Variants in AKAP6 observed in about 807,000 individuals in gnomAD.
The protein encoded by AKAP6 is A-kinase anchoring protein 6, also known as A-kinase anchor protein 6.
In AKAP6, 58 loss-of-function variants were observed where a neutral mutation model predicts 188.5. The observed-to-expected ratio is 0.31, with a 90% confidence interval of 0.25 to 0.38. AKAP6 has a LOEUF of 0.38. Ranked by LOEUF, AKAP6 falls within the 10% of genes least tolerant of loss-of-function variation. AKAP6 has a pLI of 1.00. For missense variants in AKAP6, 2,710 were observed against 2,740.0 expected (o/e 0.99, Z 0.24); for synonymous variants, 989 against 998.6 (o/e 0.99, Z 0.18).
chr14:32,800,663 G>C (rs2033920624), intron 12 of AKAP6, among the ~76,000 whole-genome samples: 1 of 150,126 alleles, frequency 6.7e-6, no homozygotes. Flanking sequence ...ATTAGTGTTA[G>C]CATGCTATCT....
intron 3 of AKAP6, among the ~76,000 whole-genome samples, chr14:32,540,168 C>CTCTCTCTATATATATATATA (rs1240063339): frequency 9.9e-5 from 6 of 60,912 alleles, no homozygotes; most frequent in African/African-American, 5.9e-4. Flanking sequence ...CTCTCTCTCT[C>CTCTCTCTATATATATATATA]TATATATATA....
Position 32,568,097 on chromosome 14 carries a change from C to A in AKAP6, c.2347-9023C>A, listed in dbSNP as rs1174000878. On this transcript the variant is annotated intron_variant, in intron 4 of 13. Coordinates refer to ENST00000280979, the MANE Select transcript of AKAP6 (RefSeq NM_004274.5). This position sits in a 1 kb window ranked among gnomAD's most constrained non-coding sequence, Gnocchi z 6.2. Reference sequence around the variant, plus strand: ...GAGCACAGAGTACAGGAAGAATGATCTAAAATAGGGCTCTGATAGGAATGA... The same window carrying A: ...GAGCACAGAGTACAGGAAGAATGATATAAAATAGGGCTCTGATAGGAATGA... 6.6e-6 allele frequency among the ~76,000 whole-genome samples: 1 copy of A among 152,058 alleles called. No individual in the cohort carries two copies. The highest frequency in any genetic ancestry group is 6.6e-5 in the Admixed American group (1 of 15,252).
At chr14:32,789,398 T>C (rs891882779) in intron 12 of AKAP6, among the ~76,000 whole-genome samples, 3 of 152,182 alleles carry the variant, frequency 2.0e-5, no homozygotes, top group Non-Finnish European at 4.4e-5. Context: ...TTTAAGTAGA[T>C]CCCTGATCCC....
At position 32,821,608 on chromosome 14, in the gene AKAP6, T is replaced by C. The variant is rs201183035; in HGVS notation, c.3795T>C (p.Ala1265=). Reference sequence around the variant, plus strand: ...AGGACCCTGGTTATGACGAGGAGGCTGATAACCATGGGGGATCTCAGTATG... The same window carrying C: ...AGGACCCTGGTTATGACGAGGAGGCCGATAACCATGGGGGATCTCAGTATG... ...SNEDPGYDEE[A]DNHGGSQYAS... is the part of the protein sequence containing the mutation. The change falls in exon 13 of 14, where the codon GCT becomes GCC. Residue 1265 remains alanine (A), a synonymous_variant. Transcript: ENST00000280979. 22 of 1,613,644 alleles carry C rather than the reference T, an allele frequency of 1.4e-5. No homozygotes were observed. In the South Asian group the frequency reaches 1.4e-4, roughly 10 times the overall value.
chr14:32,388,430 T>C (rs1888603014), intron 1 of AKAP6, among the ~76,000 whole-genome samples: 1 of 152,104 alleles, frequency 6.6e-6, no homozygotes, highest in Admixed American at 6.6e-5. Flanking sequence ...CTTGTTTCTC[T>C]AGTTCTTTGA....
At chr14:32,718,639 C>T (rs2030360288) in intron 9 of AKAP6, among the ~76,000 whole-genome samples, 1 of 152,102 alleles carries the variant, frequency 6.6e-6, no homozygotes, top group African/African-American at 2.4e-5. Flanking sequence ...CGTTCATGGC[C>T]ATGATAAACA....
At chr14:32,391,390 C>T (rs1305724597) in intron 1 of AKAP6, among the ~76,000 whole-genome samples, 2 of 152,176 alleles carry the variant, frequency 1.3e-5, no homozygotes, top group African/African-American at 4.8e-5. Flanking sequence ...GCAGTGTCTT[C>T]AACAGCAGTA....
intron 2 of AKAP6, among the ~76,000 whole-genome samples, chr14:32,458,062 T>C (rs1365339890): frequency 6.6e-6 from 1 of 152,192 alleles, no homozygotes; most frequent in Non-Finnish European, 1.5e-5. Context: ...CAAATACATA[T>C]AAGTATATAA....
At chr14:32,700,523 T>C (rs1211173295) in intron 9 of AKAP6, among the ~76,000 whole-genome samples, 1 of 152,246 alleles carries the variant, frequency 6.6e-6, no homozygotes, top group Non-Finnish European at 1.5e-5. Context: ...ACAAGATTTT[T>C]GGCCTTTGAA....
At chr14:32,381,822 T>C (rs1234675695) in intron 1 of AKAP6, among the ~76,000 whole-genome samples, 1 of 152,184 alleles carries the variant, frequency 6.6e-6, no homozygotes, top group Non-Finnish European at 1.5e-5. Context: ...ATGACTTGTG[T>C]ACCCAAGGCT....
At chr14:32,592,488 A>C (rs1468398079) in intron 5 of AKAP6, among the ~76,000 whole-genome samples, 1 of 152,176 alleles carries the variant, frequency 6.6e-6, no homozygotes. Context: ...CAGAAGTGCC[A>C]GCCAGAGTAG....
Position 32,363,588 on chromosome 14 carries a change from A to G in AKAP6, c.-35+34180A>G, listed in dbSNP as rs145639549. Among the ~76,000 whole-genome samples, 141 of 152,330 alleles carry G rather than the reference A, an allele frequency of 9.3e-4. 3 individuals are homozygous for G. In the East Asian group the frequency reaches 0.026, roughly 28 times the overall value. On this transcript the variant is annotated intron_variant, in intron 1 of 13. Transcript: ENST00000280979. The stretch of plus-strand genomic sequence containing the variant: ...AGAACTTGGAGTCCTATGTTCAAGG[A>G]CAGGAAGCATCCAGCATGGGAGAAA...
rs539651499 is a variant in AKAP6, at chr14:32,585,788, G to A, written c.2469+8546G>A. On this transcript the variant is annotated intron_variant, in intron 5 of 13. Coordinates refer to ENST00000280979, the MANE Select transcript of AKAP6 (RefSeq NM_004274.5). ...GAGGTAATTTGATATAGACCTCAAA[G>A]GCCATATGTAATTTTGTTAGGGAAG... Among the ~76,000 whole-genome samples the A allele has an allele frequency of 5.3e-5, 8 of 152,246 alleles. No individual in the cohort carries two copies. In the South Asian group the frequency reaches 1.7e-3, roughly 32 times the overall value.
chr14:32,373,109 G>C (rs933839729), intron 1 of AKAP6, among the ~76,000 whole-genome samples: 1 of 151,326 alleles, frequency 6.6e-6, no homozygotes. Context: ...GGGGGGTGGG[G>C]TATAAGTGTA....
chr14:32,672,966 T>C (rs757434381), intron 7 of AKAP6, among the ~76,000 whole-genome samples: 1 of 152,194 alleles, frequency 6.6e-6, no homozygotes. Flanking sequence ...TGGCACTTCA[T>C]TGTGGCCAAG....
chr14:32,492,355 T>TATATATAGAGAGAG, intron 2 of AKAP6, among the ~76,000 whole-genome samples: 22 of 82,608 alleles, frequency 2.7e-4, no homozygotes, highest in South Asian at 1.4e-3. Context: ...TATATATATA[T>TATATATAGAGAGAG]AGAGAGAGAG....
intron 2 of AKAP6, among the ~76,000 whole-genome samples, chr14:32,499,127 G>A (rs1316885691): frequency 6.6e-6 from 1 of 151,996 alleles, no homozygotes; most frequent in Admixed American, 6.6e-5. Flanking sequence ...AATTGGAGCT[G>A]TTGTTCAGCC....
At chr14:32,705,092 A>G (rs1437119720) in intron 9 of AKAP6, among the ~76,000 whole-genome samples, 2 of 152,142 alleles carry the variant, frequency 1.3e-5, no homozygotes, top group African/African-American at 2.4e-5. Flanking sequence ...ATCTCATAAC[A>G]TTGTCTAACT....
chr14:32,352,461 T>A (rs1342511452), intron 1 of AKAP6, among the ~76,000 whole-genome samples: 2 of 152,138 alleles, frequency 1.3e-5, no homozygotes, highest in Non-Finnish European at 2.9e-5. Context: ...TATACAAGAT[T>A]GTTAACTAGT....
Sources: gnomAD v4.1 joint callset for allele counts (sites outside exome capture counted in the v4.1 genomes callset) on GRCh38, gnomAD v4.1.1 for gene constraint, Gnocchi (gnomAD v3.1) non-coding constraint, MANE v1.5 for transcripts, NCBI Gene and HGNC (gene_info 2026-07-23, HGNC 2026-07-21) for gene names.